Variants in RNF125 observed in about 807,000 individuals in gnomAD.
The protein encoded by RNF125 is E3 ubiquitin-protein ligase RNF125.
RNF125 carries 21 observed loss-of-function variants against 26.0 expected under a neutral mutation model. That is an observed-to-expected ratio of 0.81 (90% CI 0.57 to 1.16). The LOEUF (loss-of-function observed/expected upper bound fraction) is 1.16. Among genes scored for constraint, RNF125 ranks in the 50% most tolerant of loss-of-function variants. The probability of loss-of-function intolerance (pLI) is 0.00; values close to 1 mark genes in which losing one functional copy is unlikely to be tolerated. For missense variants in RNF125, 270 were observed against 299.4 expected (o/e 0.90, Z 0.72); for synonymous variants, 95 against 109.2 (o/e 0.87, Z 0.81).
chr18:32,081,763 G>T, the RNF125 span, among the ~76,000 whole-genome samples: 10 of 152,254 alleles, frequency 6.6e-5, no homozygotes, highest in Non-Finnish European at 1.3e-4. Context: ...TCAAATTATT[G>T]TGTGGTTTCT....
chr18:32,060,945 A>C (rs1378072090), intron 4 of RNF125, among the ~76,000 whole-genome samples: 1 of 152,216 alleles, frequency 6.6e-6, no homozygotes, highest in Non-Finnish European at 1.5e-5. Flanking sequence ...GAATCTCTGG[A>C]ATCTGAGAGT....
intron 4 of RNF125, among the ~76,000 whole-genome samples, chr18:32,050,650 T>A (rs1477185411): frequency 6.6e-6 from 1 of 152,010 alleles, no homozygotes; most frequent in Non-Finnish European, 1.5e-5. Flanking sequence ...TTTATTTTTT[T>A]AAATAATAAT....
chr18:32,023,755 T>A (rs1435473753), intron 1 of RNF125, among the ~76,000 whole-genome samples: 1 of 152,178 alleles, frequency 6.6e-6, no homozygotes, highest in Admixed American at 6.5e-5. Flanking sequence ...GTAAATTATT[T>A]TGCTCACAAA....
intron 5 of RNF125, among the ~76,000 whole-genome samples, chr18:32,067,765 G>A (rs903893868): frequency 2.0e-5 from 3 of 152,112 alleles, no homozygotes; most frequent in Admixed American, 6.6e-5. Context: ...TTGTTATTGC[G>A]GAAGAGGAGA....
At chr18:32,042,078 C>G (rs2039226283) in intron 2 of RNF125, 101 bp from the exon 3 acceptor site, 3 of 787,018 alleles carry the variant, frequency 3.8e-6, no homozygotes, top group African/African-American at 3.5e-5. Context: ...TCAGTTGATC[C>G]CACAGTATGA....
At chr18:32,023,241 C>A (rs903842303) in intron 1 of RNF125, among the ~76,000 whole-genome samples, 1 of 152,194 alleles carries the variant, frequency 6.6e-6, no homozygotes, top group Non-Finnish European at 1.5e-5. Context: ...CAACCTCTGC[C>A]TCCCAGGTTC....
At chr18:32,033,419 T>A (rs960462995) in intron 1 of RNF125, among the ~76,000 whole-genome samples, 5 of 151,852 alleles carry the variant, frequency 3.3e-5, no homozygotes, top group African/African-American at 1.2e-4. Flanking sequence ...TCCCAGCTGC[T>A]TGGGAGGCTG....
intron 1 of RNF125, among the ~76,000 whole-genome samples, chr18:32,032,139 C>T (rs1206277875): frequency 3.3e-5 from 5 of 152,218 alleles, no homozygotes; most frequent in South Asian, 4.1e-4. Context: ...TGCAGTGGCA[C>T]GATCTTGGCT....
At chr18:32,050,854 G>GTCTCTCT (rs1187174224) in intron 4 of RNF125, among the ~76,000 whole-genome samples, 7,352 of 136,110 alleles carry the variant, frequency 0.054, 724 homozygotes, top group African/African-American at 0.19. Flanking sequence ...CTAGTCTCTC[G>GTCTCTCT]GTCTAGAGTG....
chr18:32,079,650 T>G, the RNF125 span, among the ~76,000 whole-genome samples: 1 of 152,216 alleles, frequency 6.6e-6, no homozygotes, highest in East Asian at 1.9e-4. Context: ...AAATTGTAGT[T>G]TGATATGCTT....
intron 4 of RNF125, among the ~76,000 whole-genome samples, chr18:32,058,283 A>G (rs2039404661): frequency 6.6e-6 from 1 of 152,170 alleles, no homozygotes; most frequent in African/African-American, 2.4e-5. Context: ...TAATCACATC[A>G]GGGTAAATGG....
chr18:32,029,519 A>G (rs946345011), intron 1 of RNF125, among the ~76,000 whole-genome samples: 1 of 151,328 alleles, frequency 6.6e-6, no homozygotes, highest in Non-Finnish European at 1.5e-5. Context: ...CCAGCTACTC[A>G]GGAGGCTGAG....
intron 4 of RNF125, among the ~76,000 whole-genome samples, chr18:32,058,503 A>G (rs9946075): frequency 0.58 from 88,624 of 151,662 alleles, 26,434 homozygotes; most frequent in African/African-American, 0.72. Context: ...ATGTGACCAC[A>G]CCCAGCTAAT....
chr18:32,056,477 ATGG>A (rs1404100083), intron 4 of RNF125, among the ~76,000 whole-genome samples: 2 of 151,658 alleles, frequency 1.3e-5, no homozygotes, highest in African/African-American at 2.4e-5. Flanking sequence ...TTAGCTGGGC[ATGG>A]TGGCCCATGC....
At chr18:32,037,647 T>G (rs2039172669) in intron 2 of RNF125, among the ~76,000 whole-genome samples, 2 of 151,980 alleles carry the variant, frequency 1.3e-5, no homozygotes, top group African/African-American at 4.8e-5. Flanking sequence ...GCTGGTGAGA[T>G]GTGAGGCCAG....
intron 4 of RNF125, among the ~76,000 whole-genome samples, chr18:32,046,863 G>GGATAC (rs200237139): frequency 0.013 from 1,975 of 152,050 alleles, 145 homozygotes; most frequent in Admixed American, 0.12. Context: ...AAGGCAGAGT[G>GGATAC]GATACATCAT....
At chr18:32,036,918 A>C (rs1319406280) in intron 1 of RNF125, among the ~76,000 whole-genome samples, 198 bp from the exon 2 acceptor site, 2 of 152,094 alleles carry the variant, frequency 1.3e-5, no homozygotes, top group Non-Finnish European at 2.9e-5. Context: ...TGTGGTAAGA[A>C]TGTGTGATTC....
At chr18:32,075,420 ACAG>A (rs2039563555), downstream of RNF125, among the ~76,000 whole-genome samples, 1 of 152,048 alleles carries the variant, frequency 6.6e-6, no homozygotes, top group African/African-American at 2.4e-5. Flanking sequence ...TTGGCCAGGC[ACAG>A]TGGCTCATGC....
intron 3 of RNF125, among the ~76,000 whole-genome samples, chr18:32,043,453 T>C (rs73413987): frequency 0.013 from 1,917 of 152,354 alleles, 42 homozygotes; most frequent in African/African-American, 0.043. Flanking sequence ...CCTCATTCTT[T>C]TTGTTTTACT....
Sources: allele counts gnomAD v4.1 joint callset (sites outside exome capture counted in the v4.1 genomes callset), GRCh38; gene constraint gnomAD v4.1.1; transcripts MANE v1.5; gene names NCBI Gene and HGNC (gene_info 2026-07-23, HGNC 2026-07-21).